The following FBXO16 variants were observed in gnomAD, a reference collection of about 807,000 sequenced individuals.
The protein encoded by FBXO16 is F-box only protein 16.
FBXO16 carries 31 observed loss-of-function variants against 41.0 expected under a neutral mutation model. The observed-to-expected ratio is 0.76, with a 90% CI of 0.57 to 1.02. The LOEUF is 1.02. Among genes scored for constraint, FBXO16 ranks in the 50% least tolerant of loss-of-function variants. FBXO16 has a pLI of 0.00. For missense variants in FBXO16, 361 were observed against 346.2 expected, an observed-to-expected ratio of 1.04 and a Z score of -0.34; for synonymous variants, 133 against 117.8, an observed-to-expected ratio of 1.13 and a Z score of -0.84.
intron 5 of FBXO16, among the ~76,000 whole-genome samples, chr8:28,455,350 A>C (rs372892142): frequency 2.3e-4 from 35 of 151,782 alleles, no homozygotes; most frequent in African/African-American, 8.5e-4. Flanking sequence ...GATCCTCCCA[A>C]CTCAGCCTCC....
At chr8:28,477,840 T>C (rs1406756108) in intron 2 of FBXO16, among the ~76,000 whole-genome samples, 1 of 151,914 alleles carries the variant, frequency 6.6e-6, no homozygotes, top group East Asian at 1.9e-4. Flanking sequence ...CCAGGCCTTT[T>C]CTCTAATAAA....
At chr8:28,451,639 A>T (rs1437769750) in intron 6 of FBXO16, among the ~76,000 whole-genome samples, 1 of 152,018 alleles carries the variant, frequency 6.6e-6, no homozygotes, top group Admixed American at 6.6e-5. Context: ...ATACAGAAAG[A>T]ATAAAGGCTA....
At chr8:28,480,490 TTTTC>T (rs902265277) in intron 2 of FBXO16, among the ~76,000 whole-genome samples, 43 of 151,982 alleles carry the variant, frequency 2.8e-4, no homozygotes, top group African/African-American at 9.9e-4. Flanking sequence ...TCTTTTTTCT[TTTTC>T]TTTCTTTCTT....
chr8:28,481,449 G>A (rs1469937736), intron 2 of FBXO16, among the ~76,000 whole-genome samples: 2 of 152,122 alleles, frequency 1.3e-5, no homozygotes, highest in African/African-American at 4.8e-5. Flanking sequence ...AGGCAAGGGA[G>A]CGTTGGTAGA....
chr8:28,468,742 G>A (rs1803284434), intron 3 of FBXO16, among the ~76,000 whole-genome samples: 1 of 152,022 alleles, frequency 6.6e-6, no homozygotes. Flanking sequence ...CAGCTACCGG[G>A]GAGGCTGAGG....
chr8:28,490,025 G>T (rs1229618352), intron 1 of FBXO16, among the ~76,000 whole-genome samples, 161 bp downstream of exon 1: 1 of 152,148 alleles, frequency 6.6e-6, no homozygotes, highest in Non-Finnish European at 1.5e-5. Context: ...ATTATCTGTG[G>T]GTTGTTAATT....
chr8:28,486,195 GTTAT>G (rs879689007), intron 1 of FBXO16, among the ~76,000 whole-genome samples: 9 of 150,100 alleles, frequency 6.0e-5, no homozygotes, highest in South Asian at 2.1e-4. Context: ...TTTTGTTGTT[GTTAT>G]TTATTTATTT....
intron 4 of FBXO16, among the ~76,000 whole-genome samples, chr8:28,458,701 C>A (rs572344104): frequency 6.6e-6 from 1 of 151,902 alleles, no homozygotes; most frequent in Non-Finnish European, 1.5e-5. Context: ...TACAGGCATG[C>A]GCCACTATGC....
Position 28,482,552 on chromosome 8 carries a change from C to T in FBXO16, c.99+796G>A, listed in dbSNP as rs80044446. Among the ~76,000 whole-genome samples, 339 of 151,994 alleles carry T rather than the reference C, an allele frequency of 2.2e-3. 3 individuals are homozygous for T. The highest frequency in any genetic ancestry group is 0.014 in the East Asian group (73 of 5,170). ...TCCCAGAGTGCAGGTGGAAAATAAACGTCTTTGTTGTTGTTGTTCTTATTG... is the reference window on the plus strand; with the variant it reads ...TCCCAGAGTGCAGGTGGAAAATAAATGTCTTTGTTGTTGTTGTTCTTATTG... On this transcript the variant is annotated intron_variant, in intron 2 of 8. Transcript: ENST00000380254.
intron 7 of FBXO16, among the ~76,000 whole-genome samples, chr8:28,432,128 A>AGTGAGT (rs1802614595): frequency 7.0e-6 from 1 of 142,814 alleles, no homozygotes; most frequent in Non-Finnish European, 1.5e-5. Context: ...CTATGTATGG[A>AGTGAGT]GTGTGTGTGT....
chr8:28,450,495 T>C (rs142296220), intron 6 of FBXO16, among the ~76,000 whole-genome samples: 1 of 152,320 alleles, frequency 6.6e-6, no homozygotes, highest in African/African-American at 2.4e-5. Context: ...AAAGATGCTA[T>C]CAAGAGAGTG....
At chr8:28,486,624 C>A (rs1052668322) in intron 1 of FBXO16, among the ~76,000 whole-genome samples, 4 of 151,958 alleles carry the variant, frequency 2.6e-5, no homozygotes, top group African/African-American at 9.7e-5. Context: ...AATCTGAGAC[C>A]AGACTGGGCA....
chr8:28,449,294 T>C lies in FBXO16; in HGVS notation c.741-2021A>G, dbSNP rs370414069. ...AGAAAATGCTGAAGTGACATGTAGA[T>C]CGAATGCAATATGTAGACTTCTTTT... On this transcript the variant is annotated intron_variant, in intron 6 of 8. Transcript: ENST00000380254. Among the ~76,000 whole-genome samples, 15 of 149,840 alleles carry C rather than the reference T, an allele frequency of 1.0e-4. No homozygotes were observed. In the East Asian group the frequency reaches 2.9e-3, roughly 29 times the overall value.
intron 3 of FBXO16, among the ~76,000 whole-genome samples, chr8:28,468,736 T>G (rs1803284299): frequency 6.6e-6 from 1 of 151,682 alleles, no homozygotes; most frequent in South Asian, 2.1e-4. Context: ...TAGTCCCAGC[T>G]ACCGGGGAGG....
chr8:28,479,953 C>G (rs1343529144), intron 2 of FBXO16, among the ~76,000 whole-genome samples: 1 of 150,196 alleles, frequency 6.7e-6, no homozygotes, highest in African/African-American at 2.5e-5. Context: ...CCAGGCTGGT[C>G]TTAAACTCTT....
At chr8:28,487,851 C>CT (rs543323414) in intron 1 of FBXO16, among the ~76,000 whole-genome samples, 187 of 143,354 alleles carry the variant, frequency 1.3e-3, no homozygotes, top group Middle Eastern at 3.6e-3. Flanking sequence ...ATCTTTTTTT[C>CT]TTTTTTTTTT....
At chr8:28,445,029 A>G (rs1802841939) in intron 7 of FBXO16, among the ~76,000 whole-genome samples, 1 of 152,010 alleles carries the variant, frequency 6.6e-6, no homozygotes, top group Admixed American at 6.6e-5. Flanking sequence ...CCCGCCTTGT[A>G]TCCCAAACAG....
intron 2 of FBXO16, among the ~76,000 whole-genome samples, chr8:28,479,048 C>G (rs775386159): frequency 1.2e-4 from 18 of 152,120 alleles, no homozygotes; most frequent in Admixed American, 2.0e-4. Context: ...CTGCTTTGCC[C>G]TCTGCCACGA....
At chr8:28,473,479 G>C (rs1045711162) in intron 3 of FBXO16, among the ~76,000 whole-genome samples, 5 of 152,160 alleles carry the variant, frequency 3.3e-5, no homozygotes, top group Admixed American at 3.3e-4. Context: ...TCCTTATAAA[G>C]AAGACCCCAG....
Sources: gnomAD v4.1 joint callset for allele counts (sites outside exome capture counted in the v4.1 genomes callset) on GRCh38, gnomAD v4.1.1 for gene constraint, MANE v1.5 for transcripts, NCBI Gene and HGNC (gene_info 2026-07-23, HGNC 2026-07-21) for gene names.